The following FLNB variants were observed in gnomAD, a reference collection of about 807,000 sequenced individuals.
FLNB encodes the protein filamin-B.
A neutral mutation model predicts 250.6 loss-of-function variants in FLNB; 111 were observed. The ratio of observed to expected loss-of-function variants is 0.44; its 90% CI spans 0.38 to 0.52. The LOEUF is 0.52. Ranked by LOEUF, FLNB falls within the 20% of genes least tolerant of loss-of-function variation. FLNB has a pLI of 0.00. For missense variants in FLNB, 2,869 were observed against 3,447.8 expected, an observed-to-expected ratio of 0.83 and a Z score of 4.20; for synonymous variants, 1,302 against 1,372.1, an observed-to-expected ratio of 0.95 and a Z score of 1.13.
In FLNB at chr3:58,008,866, C is replaced by T. The variant is rs1236437999; in HGVS notation, c.292+10C>T. On this transcript the variant is annotated intron_variant, in intron 1 of 45. Transcript: ENST00000295956. The stretch of plus-strand genomic sequence containing the variant: ...AAGCTCGTGTCCATCGGTGAGTTCT[C>T]TGGCCGGGCCCAGGCGCCCACTGTG... 1 of 1,613,348 alleles carries T rather than the reference C, an allele frequency of 6.2e-7. No homozygotes were observed. The highest frequency in any genetic ancestry group is 1.3e-5 in the African/African-American group (1 of 74,936).
chr3:58,124,471 G>C lies in FLNB; in HGVS notation c.3864G>C (p.Gly1288=). The C allele has an allele frequency of 6.2e-7, 1 of 1,614,196 alleles. No individual in the cohort carries two copies. Among genetic ancestry groups the C allele is most frequent in the Non-Finnish European group, 8.5e-7 (1 of 1,180,032 alleles). The part of the protein sequence containing the change: ...TECFVTDNAD[G]TYQVEYTPFE... ...GCTTTGTCACAGACAATGCGGATGG[G>C]ACCTACCAGGTGGAATACACACCCT... Residue 1288 remains glycine (G), a synonymous_variant, in exon 22 of 46, where the codon GGG becomes GGC. Coordinates refer to ENST00000295956, the MANE Select transcript of FLNB (RefSeq NM_001457.4).
At chr3:58,013,341 T>C (rs2097101612) in intron 1 of FLNB, among the ~76,000 whole-genome samples, 1 of 152,238 alleles carries the variant, frequency 6.6e-6, no homozygotes, top group Non-Finnish European at 1.5e-5. Flanking sequence ...AGGGTGCGTG[T>C]TCCCAAGACT....
rs1015846205 is a variant in FLNB, at chr3:58,078,790, A to G, written c.615A>G (p.Ala205=). The G allele has an allele frequency of 1.9e-6, 3 of 1,613,376 alleles. No individual in the cohort carries two copies. Among genetic ancestry groups the G allele is most frequent in the Non-Finnish European group, 2.5e-6 (3 of 1,179,756 alleles). Reference sequence around the variant, plus strand: ...ATGCACGAGAAGCCATGCAGCAGGCAGATGACTGGCTGGGTGTCCCACAGG... The same window carrying G: ...ATGCACGAGAAGCCATGCAGCAGGCGGATGACTGGCTGGGTGTCCCACAGG... The part of the protein sequence containing the change: ...VDNAREAMQQ[A]DDWLGVPQVI... The change falls in exon 3 of 46, where the codon GCA becomes GCG. Residue 205 remains alanine (A), a synonymous_variant. Transcript: ENST00000295956.
chr3:58,049,008 G>A (rs1414985568), intron 1 of FLNB, among the ~76,000 whole-genome samples: 2 of 152,190 alleles, frequency 1.3e-5, no homozygotes, highest in Admixed American at 6.5e-5. Flanking sequence ...AGACTCACCT[G>A]TGTTCCCACC....
rs899043184 is a variant in FLNB, at chr3:58,170,766, A to G, written c.*4A>G. On this transcript the variant is annotated 3_prime_UTR_variant, in exon 46 of 46. Coordinates refer to ENST00000295956, the MANE Select transcript of FLNB (RefSeq NM_001457.4). ...TTTTCATGTCACAGTGCCTTAAAACAGTTTTCTCAAATCCTGGAGAGAGTT... is the reference window on the plus strand; with the variant it reads ...TTTTCATGTCACAGTGCCTTAAAACGGTTTTCTCAAATCCTGGAGAGAGTT... The G allele has an allele frequency of 1.3e-5, 21 of 1,613,406 alleles. No individual in the cohort carries two copies. The highest frequency in any genetic ancestry group is 1.6e-5 in the Non-Finnish European group (19 of 1,179,594).
At chr3:58,042,097 G>A (rs2097146855) in intron 1 of FLNB, among the ~76,000 whole-genome samples, 1 of 152,156 alleles carries the variant, frequency 6.6e-6, no homozygotes, top group African/African-American at 2.4e-5. Flanking sequence ...GAAGCCACCT[G>A]TGTTTGGTGT....
At chr3:58,088,995 A>G (rs2097221820) in intron 4 of FLNB, among the ~76,000 whole-genome samples, 1 of 152,174 alleles carries the variant, frequency 6.6e-6, no homozygotes, top group Non-Finnish European at 1.5e-5. Flanking sequence ...GTTAGTAACA[A>G]GGTGTGTACC....
intron 21 of FLNB, among the ~76,000 whole-genome samples, chr3:58,124,084 C>G (rs1478421601): frequency 1.3e-5 from 2 of 152,204 alleles, no homozygotes; most frequent in African/African-American, 4.8e-5. Context: ...GCAGGTTAGT[C>G]TTCAACCTTT....
At chr3:58,076,889 A>G (rs1246496933) in intron 1 of FLNB, among the ~76,000 whole-genome samples, 157 bp from the exon 2 acceptor site, 2 of 152,290 alleles carry the variant, frequency 1.3e-5, no homozygotes, top group East Asian at 3.9e-4. Context: ...TTTGTCCTCA[A>G]ATGTTTTGAA....
chr3:58,078,931 G>A, intron 3 of FLNB, 117 bp downstream of exon 3: 1 of 710,974 alleles, frequency 1.4e-6, no homozygotes, highest in Non-Finnish European at 2.5e-6. Context: ...AGAGAGCATT[G>A]CCTGTGATGC....
intron 42 of FLNB, among the ~76,000 whole-genome samples, chr3:58,162,002 T>C (rs1400806603): frequency 2.0e-5 from 3 of 152,170 alleles, no homozygotes; most frequent in Admixed American, 2.0e-4. Flanking sequence ...TGACTAAGGC[T>C]TAGTGAAGAA....
chr3:58,032,956 C>T (rs1334944921), intron 1 of FLNB, among the ~76,000 whole-genome samples: 1 of 152,040 alleles, frequency 6.6e-6, no homozygotes, highest in Non-Finnish European at 1.5e-5. Flanking sequence ...ACCTGTGGTC[C>T]CAGCTACTCA....
chr3:58,072,893 T>G (rs1426078898), intron 1 of FLNB, among the ~76,000 whole-genome samples: 3 of 152,236 alleles, frequency 2.0e-5, no homozygotes, highest in Non-Finnish European at 4.4e-5. Context: ...GTCTCATTCC[T>G]TTAGACTAGC....
chr3:58,043,862 A>G (rs1042103238), intron 1 of FLNB, among the ~76,000 whole-genome samples: 5 of 152,190 alleles, frequency 3.3e-5, no homozygotes, highest in African/African-American at 1.2e-4. Flanking sequence ...AGAAACAACC[A>G]GTGATCCCTA....
chr3:58,166,377 G>T (rs1232440856), intron 43 of FLNB, among the ~76,000 whole-genome samples: 1 of 152,014 alleles, frequency 6.6e-6, no homozygotes, highest in African/African-American at 2.4e-5. Context: ...ATTGTTTGAG[G>T]CCAAGAGTTT....
At chr3:58,072,760 C>T (rs578192367) in intron 1 of FLNB, among the ~76,000 whole-genome samples, 32 of 152,234 alleles carry the variant, frequency 2.1e-4, no homozygotes, top group African/African-American at 7.0e-4. Flanking sequence ...GGGGCTTTCC[C>T]GTGTGGACAC....
chr3:58,020,048 G>GGTGTGTGTGTGTGT (rs373280518), intron 1 of FLNB, among the ~76,000 whole-genome samples: 138 of 136,992 alleles, frequency 1.0e-3, no homozygotes, highest in African/African-American at 2.6e-3. Flanking sequence ...ACACCACAGG[G>GGTGTGTGTGTGTGT]GTGTGTGTGT....
In FLNB at chr3:58,014,774, G is replaced by T. The variant is rs548063934; in HGVS notation, c.292+5918G>T. ...GATGGAGTCTTGCTCTGTCGCCCAG[G>T]TTGGAGTGCAGTGGCGTGATCTCGG... On this transcript the variant is annotated intron_variant, in intron 1 of 45. Transcript: ENST00000295956. Among the ~76,000 whole-genome samples, 3 of 152,278 alleles carry T rather than the reference G, an allele frequency of 2.0e-5. No homozygotes were observed. The South Asian group carries it at 6.2e-4, about 32-fold the overall frequency.
At chr3:58,121,649 T>TCCTTTCAC (rs1326225220) in intron 20 of FLNB, 146 bp downstream of exon 20, 1 of 1,011,904 alleles carries the variant, frequency 9.9e-7, no homozygotes, top group Non-Finnish European at 1.5e-6. Context: ...GTCCCCTGGG[T>TCCTTTCAC]AGGTGGGTCA....
Sources: allele counts gnomAD v4.1 joint callset (sites outside exome capture counted in the v4.1 genomes callset), GRCh38; gene constraint gnomAD v4.1.1; transcripts MANE v1.5; gene names NCBI Gene and HGNC (gene_info 2026-07-23, HGNC 2026-07-21).